Variants in RSRC1 observed in about 807,000 individuals in gnomAD.
RSRC1 encodes the protein arginine and serine rich coiled-coil 1.
In RSRC1, 39 loss-of-function variants were observed where a neutral mutation model predicts 49.1. That is an observed-to-expected ratio of 0.79 (90% CI 0.61 to 1.04). The LOEUF (loss-of-function observed/expected upper bound fraction) is 1.04, where lower values mean the gene tolerates loss of function less well. Among genes scored for constraint, RSRC1 ranks in the 50% least tolerant of loss-of-function variants. The pLI is 0.00. For missense variants in RSRC1, 388 were observed against 402.4 expected, an observed-to-expected ratio of 0.96 and a Z score of 0.31; for synonymous variants, 143 against 130.8, an observed-to-expected ratio of 1.09 and a Z score of -0.63.
intron 5 of RSRC1, among the ~76,000 whole-genome samples, chr3:158,325,405 A>T (rs967762554): frequency 6.6e-6 from 1 of 152,156 alleles, no homozygotes; most frequent in South Asian, 2.1e-4. Flanking sequence ...TAATTTTTGT[A>T]TATGGTGTAA....
intron 6 of RSRC1, among the ~76,000 whole-genome samples, chr3:158,396,672 T>C (rs1733629305): frequency 6.6e-6 from 1 of 152,060 alleles, no homozygotes; most frequent in African/African-American, 2.4e-5. Context: ...TGCCGTGGTA[T>C]GAGTAGGATA....
At chr3:158,432,619 A>G (rs187265562) in intron 6 of RSRC1, among the ~76,000 whole-genome samples, 1 of 152,080 alleles carries the variant, frequency 6.6e-6, no homozygotes, top group East Asian at 2.0e-4. Flanking sequence ...AATTGAGGTT[A>G]GCTTTCGTAG....
intron 5 of RSRC1, among the ~76,000 whole-genome samples, chr3:158,323,970 A>G (rs1285467051): frequency 2.0e-5 from 3 of 152,090 alleles, no homozygotes; most frequent in African/African-American, 7.2e-5. Context: ...CAGAGAATCA[A>G]CAGTATGATC....
At chr3:158,213,587 A>G (rs1721804448) in intron 4 of RSRC1, among the ~76,000 whole-genome samples, 1 of 151,920 alleles carries the variant, frequency 6.6e-6, no homozygotes. Context: ...AACAATGAGT[A>G]CTGCTGTTTT....
intron 6 of RSRC1, among the ~76,000 whole-genome samples, chr3:158,395,442 G>A (rs937078029): frequency 1.3e-5 from 2 of 152,048 alleles, no homozygotes; most frequent in Non-Finnish European, 2.9e-5. Flanking sequence ...TCTGACAAAG[G>A]TCAATATCCA....
intron 3 of RSRC1, among the ~76,000 whole-genome samples, chr3:158,158,837 G>A (rs1465720699): frequency 6.6e-6 from 1 of 151,836 alleles, no homozygotes; most frequent in African/African-American, 2.4e-5. Context: ...TACTCGGGAG[G>A]CTGAGGCAAG....
At chr3:158,328,438 A>G (rs1729315689) in intron 5 of RSRC1, among the ~76,000 whole-genome samples, 1 of 152,100 alleles carries the variant, frequency 6.6e-6, no homozygotes, top group Non-Finnish European at 1.5e-5. Context: ...GTGGTGACAA[A>G]AATCTCTCAG....
At chr3:158,386,991 T>C (rs1017283012) in intron 6 of RSRC1, among the ~76,000 whole-genome samples, 1 of 152,068 alleles carries the variant, frequency 6.6e-6, no homozygotes, top group South Asian at 2.1e-4. Flanking sequence ...GTACATACCA[T>C]TTCTTGTTTT....
chr3:158,435,908 T>C (rs1429515485), intron 6 of RSRC1, among the ~76,000 whole-genome samples: 2 of 151,850 alleles, frequency 1.3e-5, no homozygotes, highest in Non-Finnish European at 2.9e-5. Context: ...CCAGATTTTA[T>C]ATCTGAATAT....
chr3:158,267,048 G>C (rs1316532332), intron 4 of RSRC1, among the ~76,000 whole-genome samples: 2 of 152,198 alleles, frequency 1.3e-5, no homozygotes, highest in Non-Finnish European at 2.9e-5. Context: ...ACAGACATGA[G>C]ACAGCATGCC....
intron 7 of RSRC1, chr3:158,469,400 G>A (rs9815348): frequency 0.18 from 80,159 of 446,808 alleles, 8,234 homozygotes; most frequent in African/African-American, 0.34. Context: ...TGATTCCCAT[G>A]ATGCATATAT....
chr3:158,219,791 G>A (rs1222758423), intron 4 of RSRC1, among the ~76,000 whole-genome samples: 3 of 151,530 alleles, frequency 2.0e-5, no homozygotes, highest in African/African-American at 7.3e-5. Flanking sequence ...TGTTACCTAA[G>A]TGGATCTTGA....
chr3:158,308,585 G>A (rs962275182), intron 5 of RSRC1, among the ~76,000 whole-genome samples: 2 of 151,778 alleles, frequency 1.3e-5, no homozygotes, highest in Non-Finnish European at 2.9e-5. Flanking sequence ...TGCTTTCTGA[G>A]TCAAAAAACT....
At chr3:158,508,484 T>C (rs1454398787) in intron 7 of RSRC1, among the ~76,000 whole-genome samples, 7 of 151,856 alleles carry the variant, frequency 4.6e-5, no homozygotes, top group Non-Finnish European at 7.4e-5. Context: ...ACCTAATGAG[T>C]GTCACCTTGT....
chr3:158,245,761 A>G (rs1161955082), intron 4 of RSRC1, among the ~76,000 whole-genome samples: 1 of 152,110 alleles, frequency 6.6e-6, no homozygotes, highest in Non-Finnish European at 1.5e-5. Flanking sequence ...TGAACCCTTT[A>G]CCATTATGTA....
intron 4 of RSRC1, among the ~76,000 whole-genome samples, chr3:158,236,774 C>A (rs1247223058): frequency 6.6e-6 from 1 of 152,148 alleles, no homozygotes; most frequent in African/African-American, 2.4e-5. Flanking sequence ...GAATTGCTAT[C>A]CCTGCAGACT....
chr3:158,441,343 GATCTT>G (rs1736369997), intron 6 of RSRC1, among the ~76,000 whole-genome samples: 1 of 151,990 alleles, frequency 6.6e-6, no homozygotes, highest in African/African-American at 2.4e-5. Context: ...GAAGATCTAC[GATCTT>G]ATCTTGGCAA....
chr3:158,418,326 G>A (rs1283738833), intron 6 of RSRC1, among the ~76,000 whole-genome samples: 2 of 151,954 alleles, frequency 1.3e-5, no homozygotes, highest in East Asian at 1.9e-4. Context: ...ACTCTCATGG[G>A]TCTGCTTGAA....
intron 3 of RSRC1, among the ~76,000 whole-genome samples, chr3:158,158,525 G>A (rs1046348706): frequency 5.3e-5 from 8 of 152,268 alleles, no homozygotes; most frequent in African/African-American, 1.9e-4. Context: ...CTCTCTTGGA[G>A]TAGTCCACAT....
Sources: allele counts gnomAD v4.1 joint callset (sites outside exome capture counted in the v4.1 genomes callset), GRCh38; gene constraint gnomAD v4.1.1; transcripts MANE v1.5; gene names NCBI Gene and HGNC (gene_info 2026-07-23, HGNC 2026-07-21).